Variants in CIBAR1 observed in about 807,000 individuals in gnomAD.
The protein encoded by CIBAR1 is CBY1-interacting BAR domain-containing protein 1.
Under a neutral mutation model 44.0 loss-of-function variants are expected in CIBAR1, and 25 were observed. The ratio of observed to expected loss-of-function variants is 0.57; its 90% CI spans 0.41 to 0.79. CIBAR1 has a LOEUF of 0.79. CIBAR1 is among the 30% of genes least tolerant of loss of function. The pLI is 0.00. For synonymous variants in CIBAR1, 115 were observed against 119.0 expected (o/e 0.97, Z 0.22); for missense variants, 278 against 344.8 (o/e 0.81, Z 1.53).
chr8:93,723,456 T>C (rs1371736887), intron 7 of CIBAR1, among the ~76,000 whole-genome samples: 2 of 152,142 alleles, frequency 1.3e-5, no homozygotes, highest in Admixed American at 1.3e-4. Flanking sequence ...TCCTTCCGTG[T>C]CCTGAAGTTC....
chr8:93,718,567 A>G (rs1811120907), intron 6 of CIBAR1, 108 bp from the exon 7 acceptor site: 2 of 551,700 alleles, frequency 3.6e-6, no homozygotes, highest in South Asian at 4.7e-5. Flanking sequence ...AGAAAAACAG[A>G]TACTTCTGTA....
chr8:93,717,769 C>T (rs1299696648), intron 6 of CIBAR1, among the ~76,000 whole-genome samples: 1 of 152,076 alleles, frequency 6.6e-6, no homozygotes, highest in Non-Finnish European at 1.5e-5. Flanking sequence ...TCTTATTCAG[C>T]CCAGTTCTCT....
chr8:93,700,794 G>C (rs1031170627), intron 1 of CIBAR1, 121 bp downstream of exon 1: 8 of 1,347,082 alleles, frequency 5.9e-6, no homozygotes, highest in Non-Finnish European at 7.6e-6. Context: ...GAGGCTGCAC[G>C]GTCCCCGCTG....
In CIBAR1 at chr8:93,701,125, A is replaced by C. The variant is rs992692930; in HGVS notation, c.27-99A>C. 181 of 1,513,200 alleles carry C rather than the reference A, an allele frequency of 1.2e-4. 1 individual carries two copies. In the African/African-American group the frequency reaches 2.4e-3, roughly 20 times the overall value. 93.7% of individuals were successfully genotyped at this position (1,513,200 alleles called of 1,614,324 possible). On this transcript the variant is annotated intron_variant, in intron 1 of 8. Transcript: ENST00000518322. ...GTCGTTGATGGGTTTACGCCTTCAA[A>C]GCTGCAGAATGCCCGGGGAATGTTT...
chr8:93,709,589 G>A, intron 5 of CIBAR1, 182 bp from the exon 6 acceptor site: 1 of 548,510 alleles, frequency 1.8e-6, no homozygotes, highest in Admixed American at 3.1e-5. Context: ...ACTAAATAAA[G>A]TTCTTTATTC....
Position 93,719,229 on chromosome 8 carries a change from T to C in CIBAR1, c.657+441T>C, listed in dbSNP as rs117517147. Among the ~76,000 whole-genome samples, 984 of 152,320 alleles carry C rather than the reference T, an allele frequency of 6.5e-3. 11 individuals carry two copies. Among genetic ancestry groups the C allele is most frequent in the Middle Eastern group, 0.031 (9 of 294 alleles). ...TGTGTAATCCAAAATAGATGAACTT[T>C]TATGATTTTCCATTTATTTTCAATT... On this transcript the variant is annotated intron_variant, in intron 7 of 8. Transcript: ENST00000518322.
chr8:93,702,643 A>G (rs1055600638), intron 2 of CIBAR1: 1 of 326,556 alleles, frequency 3.1e-6, no homozygotes, highest in African/African-American at 2.2e-5. Flanking sequence ...ACTGTCCTGA[A>G]TATCCATGAT....
intron 6 of CIBAR1, chr8:93,716,048 TTTG>T (rs1811024199): frequency 6.6e-6 from 1 of 152,172 alleles, no homozygotes; most frequent in Non-Finnish European, 1.5e-5. Flanking sequence ...AGTTTGTTTT[TTTG>T]TTGTTGTTTT....
intron 7 of CIBAR1, among the ~76,000 whole-genome samples, chr8:93,722,459 G>A (rs1244164505): frequency 3.3e-5 from 5 of 152,320 alleles, no homozygotes; most frequent in Non-Finnish European, 5.9e-5. Context: ...AGCACTTTGG[G>A]AGGCCGAGGC....
Position 93,728,487 on chromosome 8 carries a change from TCCTA to T in CIBAR1, c.*195_*198del, listed in dbSNP as rs1811645946. On this transcript the variant is annotated 3_prime_UTR_variant, in exon 9 of 9. Transcript: ENST00000518322. ...ATATTGCATACCAGTCATTTCAACA[TCCTA>T]CCTAGTGTTACATGATTTTTGTGTA... The T allele has an allele frequency of 2.2e-6, 1 of 450,764 alleles. No homozygotes were observed. The highest frequency in any genetic ancestry group is 3.9e-6 in the Non-Finnish European group (1 of 253,324). 27.9% of individuals were successfully genotyped at this position (450,764 alleles called of 1,614,324 possible).
At chr8:93,727,803 A>G (rs1202325410) in intron 8 of CIBAR1, among the ~76,000 whole-genome samples, 1 of 152,176 alleles carries the variant, frequency 6.6e-6, no homozygotes. Context: ...CATTTAAATC[A>G]CACTACTTTT....
chr8:93,718,782 T>C lies in CIBAR1; in HGVS notation c.651T>C (p.Asp217=). 1 of 1,537,808 alleles carries C rather than the reference T, an allele frequency of 6.5e-7. No homozygotes were observed. Among genetic ancestry groups the C allele is most frequent in the Non-Finnish European group, 8.8e-7 (1 of 1,132,616 alleles). ...TACAAAACATTGATGAAGATGAAGA[T>C]TTAGAGGTAGGACTATGTCTATCTA... The part of the protein sequence containing the change: ...QNIQNIDEDE[D]LEVFRNSLYA... The change falls in exon 7 of 9, where the codon GAT becomes GAC. Residue 217 remains aspartate (D), a synonymous_variant. Transcript: ENST00000518322.
chr8:93,718,767 T>G lies in CIBAR1; in HGVS notation c.636T>G (p.Ile212Met). Reference sequence around the variant, plus strand: ...CTGCCTACCAGAATATACAAAACATTGATGAAGATGAAGATTTAGAGGTAG... The same window carrying G: ...CTGCCTACCAGAATATACAAAACATGGATGAAGATGAAGATTTAGAGGTAG... ...YTAAYQNIQN[I>M]DEDEDLEVFR... is the part of the protein sequence containing the mutation. Residue 212 changes from isoleucine (I) to methionine (M), a missense_variant, in exon 7 of 9, where the codon ATT becomes ATG. By Grantham distance (10) the Ile-to-Met change is conservative. Coordinates refer to ENST00000518322, the MANE Select transcript of CIBAR1 (RefSeq NM_145269.5). The G allele has an allele frequency of 6.4e-7, 1 of 1,554,642 alleles. No individual in the cohort carries two copies. Among genetic ancestry groups the G allele is most frequent in the South Asian group, 1.2e-5 (1 of 81,558 alleles).
chr8:93,703,812 C>T (rs1011675032), intron 3 of CIBAR1, 124 bp downstream of exon 3: 2 of 735,274 alleles, frequency 2.7e-6, no homozygotes, highest in Admixed American at 7.1e-5. Flanking sequence ...TGCCTGTAAT[C>T]CCAACACTTT....
intron 4 of CIBAR1, among the ~76,000 whole-genome samples, chr8:93,706,766 G>A (rs780756908): frequency 6.6e-6 from 1 of 152,180 alleles, no homozygotes; most frequent in Non-Finnish European, 1.5e-5. Context: ...CACTGGGTAA[G>A]ATCTGCAACT....
In CIBAR1 at chr8:93,729,488, T is replaced by C. The variant is rs1400720535; in HGVS notation, c.*1191T>C. The C allele has an allele frequency of 6.6e-6, 1 of 152,192 alleles. No individual in the cohort carries two copies. The highest frequency in any genetic ancestry group is 6.5e-5 in the Admixed American group (1 of 15,274). The allele number at this position is 152,192 out of a possible 1,614,324, so 9.4% of individuals were successfully genotyped here. On this transcript the variant is annotated 3_prime_UTR_variant, in exon 9 of 9. Transcript: ENST00000518322. ...AGTTATTATTTTGCTGCTTACTAAATAGCAACTTCTCTTGAGCATTATTTG... is the reference window on the plus strand; with the variant it reads ...AGTTATTATTTTGCTGCTTACTAAACAGCAACTTCTCTTGAGCATTATTTG...
intron 7 of CIBAR1, among the ~76,000 whole-genome samples, chr8:93,721,675 C>G (rs1811269176): frequency 6.6e-6 from 1 of 152,110 alleles, no homozygotes; most frequent in African/African-American, 2.4e-5. Context: ...TATTGAGCAC[C>G]TCATATGCAC....
At chr8:93,724,049 T>C (rs1325011441) in intron 7 of CIBAR1, among the ~76,000 whole-genome samples, 2 of 152,108 alleles carry the variant, frequency 1.3e-5, no homozygotes, top group East Asian at 3.9e-4. Context: ...CTGGGCAACA[T>C]AGCGAGACAC....
At chr8:93,712,182 T>C (rs570635640) in intron 6 of CIBAR1, among the ~76,000 whole-genome samples, 1 of 152,206 alleles carries the variant, frequency 6.6e-6, no homozygotes, top group Non-Finnish European at 1.5e-5. Context: ...GTTAGAACAT[T>C]GTCATCACTT....
Sources: gnomAD v4.1 joint callset for allele counts (sites outside exome capture counted in the v4.1 genomes callset) on GRCh38, gnomAD v4.1.1 for gene constraint, MANE v1.5 for transcripts, NCBI Gene and HGNC (gene_info 2026-07-23, HGNC 2026-07-21) for gene names.